AK7: variants seen among roughly 807,000 people sequenced by gnomAD.
AK7 encodes the protein adenylate kinase 7.
Under a neutral mutation model 96.6 loss-of-function variants are expected in AK7, and 78 were observed. That is an observed-to-expected ratio of 0.81 (90% CI 0.67 to 0.97). The LOEUF (loss-of-function observed/expected upper bound fraction) is 0.97. Among genes scored for constraint, AK7 ranks in the 50% least tolerant of loss-of-function variants. The pLI is 0.00. For missense variants in AK7, 855 were observed against 887.9 expected, an observed-to-expected ratio of 0.96 and a Z score of 0.47; for synonymous variants, 302 against 317.2, an observed-to-expected ratio of 0.95 and a Z score of 0.51.
intron 5 of AK7, among the ~76,000 whole-genome samples, chr14:96,429,856 T>C (rs1356701870): frequency 4.6e-5 from 7 of 152,200 alleles, no homozygotes; most frequent in Non-Finnish European, 1.0e-4. Flanking sequence ...CTTAAGGAGA[T>C]TTTGGGCTGA....
At chr14:96,486,827 AGG>A in intron 16 of AK7, 69 bp from the exon 17 acceptor site, 1 of 1,401,180 alleles carries the variant, frequency 7.1e-7, no homozygotes, top group Non-Finnish European at 1.0e-6. Context: ...AATGCACTGT[AGG>A]GTGAACTGTG....
chr14:96,395,073 C>A (rs1889989332), intron 1 of AK7, among the ~76,000 whole-genome samples: 1 of 152,164 alleles, frequency 6.6e-6, no homozygotes, highest in Non-Finnish European at 1.5e-5. Context: ...TAACGTCGGC[C>A]AGGCTGGACT....
chr14:96,453,612 C>T (rs964555270), intron 10 of AK7, among the ~76,000 whole-genome samples: 2 of 152,178 alleles, frequency 1.3e-5, no homozygotes, highest in African/African-American at 2.4e-5. Flanking sequence ...TCAGTTCATC[C>T]TACTCCCCTT....
Position 96,456,374 on chromosome 14 carries a change from C to G in AK7, c.1126C>G (p.Pro376Ala), listed in dbSNP as rs149094743. Residue 376 changes from proline (P) to alanine (A), a missense_variant, in exon 11 of 18, where the codon CCT becomes GCT. Transcript: ENST00000267584. ...AATCAAGATCTGCATTCTTGGTCCC[C>G]CTGCTGTGGGAAAATCCAGTATTGC... ...MPIKICILGP[P>A]AVGKSSIAKE... 6.2e-7 allele frequency: 1 copy of G among 1,613,592 alleles called. No homozygotes were observed. The highest frequency in any genetic ancestry group is 8.5e-7 in the Non-Finnish European group (1 of 1,179,776).
At position 96,416,747 on chromosome 14, in the gene AK7, T is replaced by C. The variant is rs551048595; in HGVS notation, c.499-4075T>C. Among the ~76,000 whole-genome samples the C allele has an allele frequency of 3.3e-5, 5 of 152,302 alleles. No homozygotes were observed. In the South Asian group the frequency reaches 8.3e-4, roughly 25 times the overall value. ...TTCAAAATACACTTTATTTGTTGTG[T>C]TTGTAACAAGTGAAATTTAAGGACT... On this transcript the variant is annotated intron_variant, in intron 4 of 17. Coordinates refer to ENST00000267584, the MANE Select transcript of AK7 (RefSeq NM_152327.5).
chr14:96,463,430 G>T (rs1166835677), intron 12 of AK7, among the ~76,000 whole-genome samples: 3 of 151,542 alleles, frequency 2.0e-5, no homozygotes, highest in African/African-American at 4.9e-5. Context: ...ATAATAATAA[G>T]AGAGAGGAGC....
chr14:96,483,673 G>A (rs762214748), intron 16 of AK7, among the ~76,000 whole-genome samples: 35 of 152,034 alleles, frequency 2.3e-4, no homozygotes, highest in Non-Finnish European at 2.8e-4. Context: ...TGATCCACCC[G>A]CTTCTGCCTC....
intron 6 of AK7, among the ~76,000 whole-genome samples, chr14:96,440,394 G>A (rs1018946406): frequency 3.3e-5 from 5 of 152,096 alleles, no homozygotes; most frequent in African/African-American, 7.2e-5. Context: ...CTTGGCATTC[G>A]CAGGCCTCGG....
chr14:96,397,279 T>A (rs930559489), intron 1 of AK7, among the ~76,000 whole-genome samples: 3 of 152,148 alleles, frequency 2.0e-5, no homozygotes, highest in Non-Finnish European at 2.9e-5. Context: ...GGCGGAGTCT[T>A]GCTCTGTTGC....
chr14:96,397,026 G>A (rs1249075345), intron 1 of AK7, among the ~76,000 whole-genome samples: 1 of 152,138 alleles, frequency 6.6e-6, no homozygotes, highest in Non-Finnish European at 1.5e-5. Flanking sequence ...GAGGCCAGGA[G>A]TTTGAGGTTG....
chr14:96,405,796 A>G (rs1890678330), intron 3 of AK7, among the ~76,000 whole-genome samples: 1 of 152,198 alleles, frequency 6.6e-6, no homozygotes, highest in Non-Finnish European at 1.5e-5. Flanking sequence ...GAGTGCTTGT[A>G]TTTTGAAAGT....
At chr14:96,457,241 A>G (rs1893977526) in intron 11 of AK7, among the ~76,000 whole-genome samples, 1 of 151,562 alleles carries the variant, frequency 6.6e-6, no homozygotes, top group Non-Finnish European at 1.5e-5. Context: ...TTGTATTTTT[A>G]GTAGAGACGG....
chr14:96,413,870 T>A (rs1459240813), intron 4 of AK7, among the ~76,000 whole-genome samples: 1 of 152,192 alleles, frequency 6.6e-6, no homozygotes, highest in East Asian at 1.9e-4. Flanking sequence ...GAGCCATGAC[T>A]TGTTAAGTTC....
Position 96,484,415 on chromosome 14 carries a change from C to A in AK7, c.1974+1196C>A, listed in dbSNP as rs149853844. On this transcript the variant is annotated intron_variant, in intron 16 of 17. Transcript: ENST00000267584. Reference sequence around the variant, plus strand: ...CCTACGCAGCTGCCAGGTGATCCTTCCAAACTGCAGACCCACTATGGCCAT... The same window carrying A: ...CCTACGCAGCTGCCAGGTGATCCTTACAAACTGCAGACCCACTATGGCCAT... 3.6e-3 allele frequency among the ~76,000 whole-genome samples: 555 copies of A among 152,324 alleles called. 2 individuals are homozygous for A. Among genetic ancestry groups the A allele is most frequent in the African/African-American group, 0.013 (523 of 41,584 alleles).
intron 15 of AK7, among the ~76,000 whole-genome samples, chr14:96,479,833 C>T (rs1248023081): frequency 6.6e-6 from 1 of 152,156 alleles, no homozygotes; most frequent in African/African-American, 2.4e-5. Flanking sequence ...CTGGCCAGGC[C>T]CACACCTTGG....
intron 2 of AK7, among the ~76,000 whole-genome samples, chr14:96,404,133 G>C (rs1295969582): frequency 8.6e-6 from 1 of 115,668 alleles, no homozygotes; most frequent in Non-Finnish European, 1.7e-5. Flanking sequence ...AAAACAGAGT[G>C]AAACTGTGTC....
intron 6 of AK7, among the ~76,000 whole-genome samples, chr14:96,439,373 T>G (rs1285031463): frequency 6.6e-6 from 1 of 151,684 alleles, no homozygotes; most frequent in Non-Finnish European, 1.5e-5. Context: ...AGTAAATAAT[T>G]ATTAAAAAAA....
intron 4 of AK7, among the ~76,000 whole-genome samples, chr14:96,412,462 A>G (rs1891093130): frequency 6.6e-6 from 1 of 151,488 alleles, no homozygotes; most frequent in Admixed American, 6.6e-5. Flanking sequence ...TCCTGACCTC[A>G]GGTGATCCAC....
At position 96,399,639 on chromosome 14, in the gene AK7, A is replaced by G. The variant is rs1161408393; in HGVS notation, c.294+1376A>G. On this transcript the variant is annotated intron_variant, in intron 2 of 17. Coordinates refer to ENST00000267584, the MANE Select transcript of AK7 (RefSeq NM_152327.5). The surrounding 1 kb of genome is among the most constrained non-coding windows in gnomAD (Gnocchi z 4.1). ...AGGAGGTGCCCTGGCCGATGTCACC[A>G]GCAGTCCCCTGACTCCCGAGGGGCT... 2.6e-5 allele frequency among the ~76,000 whole-genome samples: 4 copies of G among 152,122 alleles called. No homozygotes were observed. The highest frequency in any genetic ancestry group is 7.2e-5 in the African/African-American group (3 of 41,428).
Sources: gnomAD v4.1 joint callset for allele counts (sites outside exome capture counted in the v4.1 genomes callset) on GRCh38, gnomAD v4.1.1 for gene constraint, Gnocchi (gnomAD v3.1) non-coding constraint, MANE v1.5 for transcripts, NCBI Gene and HGNC (gene_info 2026-07-23, HGNC 2026-07-21) for gene names.